The following NCKAP5 variants were observed in gnomAD, a reference collection of about 807,000 sequenced individuals.
NCKAP5 encodes the protein NCK associated protein 5, also known as nck-associated protein 5.
A neutral mutation model predicts 167.0 loss-of-function variants in NCKAP5; 92 were observed. That is an observed-to-expected ratio of 0.55 (90% confidence interval 0.47 to 0.66). NCKAP5 has a LOEUF of 0.66. NCKAP5 is among the 30% of genes least tolerant of loss of function. NCKAP5 has a pLI of 0.00. For missense variants in NCKAP5, 2,378 were observed against 2,315.0 expected (o/e 1.03, Z -0.56); for synonymous variants, 891 against 877.4 (o/e 1.02, Z -0.27).
chr2:133,581,908 T>C, the NCKAP5 span, among the ~76,000 whole-genome samples: 1 of 152,208 alleles, frequency 6.6e-6, no homozygotes, highest in African/African-American at 2.4e-5. Flanking sequence ...GGCATGCCCA[T>C]GCAATACACA....
chr2:133,444,089 C>T (rs1865584), intron 3 of NCKAP5, among the ~76,000 whole-genome samples: 17,647 of 151,970 alleles, frequency 0.12, 1,452 homozygotes, highest in East Asian at 0.41. Context: ...AAAATGTTCT[C>T]ATTCTCTTGA....
chr2:133,244,545 C>T (rs1033605583), intron 4 of NCKAP5, among the ~76,000 whole-genome samples: 1 of 151,944 alleles, frequency 6.6e-6, no homozygotes, highest in Non-Finnish European at 1.5e-5. Context: ...AGGACTTAAC[C>T]ACACCTTAAG....
intron 11 of NCKAP5, among the ~76,000 whole-genome samples, chr2:132,819,631 T>G (rs1465572793): frequency 6.6e-6 from 1 of 151,112 alleles, no homozygotes; most frequent in Non-Finnish European, 1.5e-5. Context: ...GAGTGAGAAA[T>G]CCCACAGTGC....
chr2:132,796,591 C>T, intron 12 of NCKAP5, 37 bp downstream of exon 12: 1 of 1,443,018 alleles, frequency 6.9e-7, no homozygotes, highest in East Asian at 2.3e-5. Flanking sequence ...AAAATAACCA[C>T]CAAAACAAGT....
At chr2:132,978,381 A>G (rs2077037427) in intron 7 of NCKAP5, among the ~76,000 whole-genome samples, 1 of 152,164 alleles carries the variant, frequency 6.6e-6, no homozygotes, top group African/African-American at 2.4e-5. Flanking sequence ...GAAAGTAGAA[A>G]ACTGAGCATC....
chr2:133,114,679 C>CT (rs1349322738), intron 6 of NCKAP5, among the ~76,000 whole-genome samples: 1 of 152,110 alleles, frequency 6.6e-6, no homozygotes, highest in Non-Finnish European at 1.5e-5. Flanking sequence ...CTCCCCACCT[C>CT]TTTTTTCCTT....
At chr2:133,308,377 C>T (rs920811360) in intron 3 of NCKAP5, among the ~76,000 whole-genome samples, 7 of 152,100 alleles carry the variant, frequency 4.6e-5, no homozygotes, top group East Asian at 1.9e-4. Context: ...CGTGAGCCAC[C>T]GCGCCCGGCT....
chr2:133,416,483 G>T (rs1031064606), intron 3 of NCKAP5, among the ~76,000 whole-genome samples: 12 of 152,076 alleles, frequency 7.9e-5, no homozygotes, highest in African/African-American at 2.9e-4. Flanking sequence ...GAGAAAAAAT[G>T]CTGTTTCTCT....
intron 6 of NCKAP5, among the ~76,000 whole-genome samples, chr2:133,090,412 C>T (rs1295639140): frequency 6.6e-6 from 1 of 151,910 alleles, no homozygotes; most frequent in East Asian, 2.0e-4. Flanking sequence ...CGTGGTCACA[C>T]TGCCACCTCT....
intron 3 of NCKAP5, among the ~76,000 whole-genome samples, chr2:133,357,063 T>C (rs931662746): frequency 5.3e-5 from 8 of 152,332 alleles, no homozygotes; most frequent in Admixed American, 1.3e-4. Flanking sequence ...CTCTGCTAGA[T>C]TGTAATTTCC....
At chr2:133,450,014 C>A (rs903484010) in intron 3 of NCKAP5, among the ~76,000 whole-genome samples, 1 of 151,378 alleles carries the variant, frequency 6.6e-6, no homozygotes, top group African/African-American at 2.4e-5. Flanking sequence ...TTGCACAAGG[C>A]CTTGTTGCAA....
intron 8 of NCKAP5, among the ~76,000 whole-genome samples, chr2:132,933,071 C>A (rs1264034988): frequency 1.3e-5 from 2 of 151,986 alleles, no homozygotes; most frequent in African/African-American, 2.4e-5. Context: ...ACTACAGGCA[C>A]CTGCCACCAC....
chr2:133,201,959 C>T (rs2150124712), intron 5 of NCKAP5, among the ~76,000 whole-genome samples: 1 of 152,108 alleles, frequency 6.6e-6, no homozygotes, highest in East Asian at 1.9e-4. Flanking sequence ...GGCCATACTG[C>T]CCAAGGTAAT....
the NCKAP5 span, among the ~76,000 whole-genome samples, chr2:133,577,891 ATG>A: frequency 6.6e-6 from 1 of 152,088 alleles, no homozygotes; most frequent in Admixed American, 6.5e-5. Context: ...TCATTATTCC[ATG>A]GCTTCATTTG....
the NCKAP5 span, among the ~76,000 whole-genome samples, chr2:133,639,931 C>A: frequency 6.6e-6 from 1 of 151,954 alleles, no homozygotes; most frequent in Non-Finnish European, 1.5e-5. Context: ...CGAATCCCAC[C>A]AACACAATTA....
chr2:133,371,378 G>A (rs910300795), intron 3 of NCKAP5, among the ~76,000 whole-genome samples: 3 of 152,196 alleles, frequency 2.0e-5, no homozygotes, highest in Non-Finnish European at 4.4e-5. Context: ...TAGGCAAGAA[G>A]CACAATCAGA....
intron 3 of NCKAP5, among the ~76,000 whole-genome samples, chr2:133,501,187 C>T (rs904755366): frequency 7.2e-5 from 11 of 152,266 alleles, no homozygotes; most frequent in East Asian, 1.9e-4. Flanking sequence ...TGGGACCAGA[C>T]GTGTGGAGCC....
the NCKAP5 span, among the ~76,000 whole-genome samples, chr2:133,671,214 CAA>C: frequency 0.027 from 1,435 of 53,874 alleles, 19 homozygotes; most frequent in East Asian, 0.2. Flanking sequence ...GACTCCGTCT[CAA>C]AAAAAAAAAA....
intron 11 of NCKAP5, among the ~76,000 whole-genome samples, chr2:132,857,554 A>G (rs1447552): frequency 0.27 from 40,647 of 152,060 alleles, 5,800 homozygotes; most frequent in East Asian, 0.45. Context: ...CAGTGAATCC[A>G]GACAAGTAGG....
Sources: gnomAD v4.1 joint callset for allele counts (sites outside exome capture counted in the v4.1 genomes callset) on GRCh38, gnomAD v4.1.1 for gene constraint, MANE v1.5 for transcripts, NCBI Gene and HGNC (gene_info 2026-07-23, HGNC 2026-07-21) for gene names.